The following RBFOX1 variants were observed in gnomAD, a reference collection of about 807,000 sequenced individuals.
RBFOX1 encodes RNA binding fox-1 homolog 1, also known as RNA binding protein fox-1 homolog 1.
RBFOX1 carries 8 observed loss-of-function variants against 57.7 expected under a neutral mutation model. The ratio of observed to expected loss-of-function variants is 0.14; its 90% confidence interval spans 0.08 to 0.25. The LOEUF (loss-of-function observed/expected upper bound fraction) is 0.25. Ranked by LOEUF, RBFOX1 falls within the 10% of genes least tolerant of loss-of-function variation. The probability of loss-of-function intolerance (pLI) is 1.00; values close to 1 mark genes in which losing one functional copy is unlikely to be tolerated. For synonymous variants in RBFOX1, 326 were observed against 222.4 expected (o/e 1.47, Z -4.15); for missense variants, 611 against 548.5 (o/e 1.11, Z -1.14).
chr16:5,750,477 GAGGC>G (rs1427036042), intron 3 of RBFOX1, among the ~76,000 whole-genome samples: 1 of 152,246 alleles, frequency 6.6e-6, no homozygotes, highest in South Asian at 2.1e-4. Flanking sequence ...GGAGTCTACA[GAGGC>G]AGGCAGGCCT....
At chr16:5,612,300 C>T (rs537634102) in intron 3 of RBFOX1, among the ~76,000 whole-genome samples, 3 of 152,030 alleles carry the variant, frequency 2.0e-5, no homozygotes, top group East Asian at 3.9e-4. Flanking sequence ...CACCCACCCA[C>T]CCACTTTCCC....
At chr16:5,682,750 C>T (rs2050379876) in intron 3 of RBFOX1, among the ~76,000 whole-genome samples, 1 of 152,214 alleles carries the variant, frequency 6.6e-6, no homozygotes, top group Non-Finnish European at 1.5e-5. Flanking sequence ...TCATCCTTGG[C>T]AGCCACACAT....
chr16:5,633,046 C>T (rs557363625), intron 3 of RBFOX1, among the ~76,000 whole-genome samples: 2 of 148,684 alleles, frequency 1.3e-5, no homozygotes, highest in East Asian at 4.0e-4. Context: ...TCAAGTGATT[C>T]TCCTGCCTCA....
chr16:7,584,538 G>A (rs567901402), intron 6 of RBFOX1, among the ~76,000 whole-genome samples: 2 of 152,092 alleles, frequency 1.3e-5, no homozygotes, highest in East Asian at 1.9e-4. Flanking sequence ...TGATCTGCCC[G>A]CCTCAGCCTC....
At chr16:7,143,678 C>T (rs531280807) in intron 4 of RBFOX1, among the ~76,000 whole-genome samples, 4 of 152,084 alleles carry the variant, frequency 2.6e-5, no homozygotes, top group East Asian at 1.9e-4. Context: ...TCTGCAGATA[C>T]GATCCTCAGC....
intron 1 of RBFOX1, among the ~76,000 whole-genome samples, chr16:6,269,929 C>T (rs1351251517): frequency 6.6e-6 from 1 of 152,002 alleles, no homozygotes; most frequent in South Asian, 2.1e-4. Context: ...AGATTTAAGA[C>T]AATTATATTT....
intron 3 of RBFOX1, among the ~76,000 whole-genome samples, chr16:5,831,751 A>T (rs1417173036): frequency 6.6e-6 from 1 of 152,064 alleles, no homozygotes; most frequent in Non-Finnish European, 1.5e-5. Context: ...TCTTTTCTTT[A>T]TAAATTACCC....
At chr16:6,661,469 C>T (rs115532838) in intron 3 of RBFOX1, among the ~76,000 whole-genome samples, 1 of 152,328 alleles carries the variant, frequency 6.6e-6, no homozygotes, top group African/African-American at 2.4e-5. Context: ...AATAGTTTAT[C>T]AGGCCAATGC....
At chr16:6,534,342 A>G (rs963777108) in intron 2 of RBFOX1, among the ~76,000 whole-genome samples, 1 of 152,128 alleles carries the variant, frequency 6.6e-6, no homozygotes, top group Non-Finnish European at 1.5e-5. Flanking sequence ...TCCATGCTTT[A>G]TGGTTCTAGT....
intron 4 of RBFOX1, among the ~76,000 whole-genome samples, chr16:7,265,896 A>G (rs1480650985): frequency 2.7e-5 from 4 of 149,466 alleles, no homozygotes; most frequent in African/African-American, 9.9e-5. Context: ...AGATCATGGG[A>G]ATGGGTTCTT....
chr16:7,262,612 C>G (rs1323622893), intron 4 of RBFOX1, among the ~76,000 whole-genome samples: 3 of 152,266 alleles, frequency 2.0e-5, no homozygotes, highest in Admixed American at 6.5e-5. Flanking sequence ...CTGCTGCAGT[C>G]TCTGGCTCAT....
chr16:5,266,104 T>A (rs1282219040), intron 1 of RBFOX1, among the ~76,000 whole-genome samples: 4 of 152,148 alleles, frequency 2.6e-5, no homozygotes, highest in Non-Finnish European at 5.9e-5. Context: ...ATGACATTTC[T>A]GTTTCCTATG....
At chr16:6,747,740 A>G (rs137865416) in intron 3 of RBFOX1, among the ~76,000 whole-genome samples, 3 of 152,256 alleles carry the variant, frequency 2.0e-5, no homozygotes, top group East Asian at 1.9e-4. Flanking sequence ...CGCTTCATGG[A>G]CAGCAACTTG....
At chr16:5,694,850 T>A (rs1349401000) in intron 3 of RBFOX1, among the ~76,000 whole-genome samples, 1 of 151,604 alleles carries the variant, frequency 6.6e-6, no homozygotes, top group South Asian at 2.1e-4. Flanking sequence ...GGGGAGATGG[T>A]AGAAGAGAAC....
chr16:6,056,579 C>T (rs11861321), intron 1 of RBFOX1, among the ~76,000 whole-genome samples: 35,918 of 152,014 alleles, frequency 0.24, 4,383 homozygotes, highest in East Asian at 0.32. Context: ...TTTATTTCTC[C>T]TCTGCTTACT....
chr16:6,611,804 G>A (rs1361484632), intron 2 of RBFOX1, among the ~76,000 whole-genome samples: 2 of 152,076 alleles, frequency 1.3e-5, no homozygotes, highest in African/African-American at 4.8e-5. Flanking sequence ...AAGGCACCCT[G>A]AGTCCTCCCT....
intron 2 of RBFOX1, among the ~76,000 whole-genome samples, chr16:6,539,826 C>CACACACACACACACACACACACAT (rs2096787945): frequency 6.6e-6 from 1 of 151,900 alleles, no homozygotes; most frequent in Non-Finnish European, 1.5e-5. Flanking sequence ...CACACACACA[C>CACACACACACACACACACACACAT]ACACACACAC....
intron 1 of RBFOX1, among the ~76,000 whole-genome samples, chr16:5,373,790 G>C (rs2065917859): frequency 6.6e-6 from 1 of 152,038 alleles, no homozygotes; most frequent in Admixed American, 6.5e-5. Context: ...TTTTAATAGA[G>C]ATGGGGTTTC....
rs144152281 is a variant in RBFOX1 at position 7,138,657 on chromosome 16, A to G, written c.27+86559A>G. 3.6e-3 allele frequency among the ~76,000 whole-genome samples: 547 copies of G among 152,308 alleles called. 3 individuals carry two copies. Among genetic ancestry groups the G allele is most frequent in the Non-Finnish European group, 6.4e-3 (437 of 68,026 alleles). ...TCTCACCTGGGGCCTACAAAGGTGA[A>G]GGGGATGGGGAGGACCTGCCTAATC... On this transcript the variant is annotated intron_variant, in intron 4 of 15. Coordinates refer to ENST00000550418, the MANE Select transcript of RBFOX1 (RefSeq NM_018723.4).
Sources: allele counts gnomAD v4.1 joint callset (sites outside exome capture counted in the v4.1 genomes callset), GRCh38; gene constraint gnomAD v4.1.1; transcripts MANE v1.5; gene names NCBI Gene and HGNC (gene_info 2026-07-23, HGNC 2026-07-21).